DPP6: variants seen among roughly 807,000 people sequenced by gnomAD.
DPP6 encodes dipeptidyl peptidase like 6, also known as A-type potassium channel modulatory protein DPP6.
A neutral mutation model predicts 122.6 loss-of-function variants in DPP6; 69 were observed. The observed-to-expected ratio is 0.56, with a 90% CI of 0.46 to 0.69. The LOEUF (loss-of-function observed/expected upper bound fraction) is 0.69. Among genes scored for constraint, DPP6 ranks in the 30% least tolerant of loss-of-function variants. The pLI is 0.00. For synonymous variants in DPP6, 418 were observed against 433.1 expected, an observed-to-expected ratio of 0.97 and a Z score of 0.43; for missense variants, 928 against 1,116.9, an observed-to-expected ratio of 0.83 and a Z score of 2.41.
the DPP6 span, among the ~76,000 whole-genome samples, chr7:153,870,438 C>T: frequency 1.3e-5 from 2 of 152,152 alleles, no homozygotes; most frequent in South Asian, 2.1e-4. Context: ...TGCAGTTGAT[C>T]GAATCAGCTA....
intron 1 of DPP6, among the ~76,000 whole-genome samples, chr7:154,197,441 A>T (rs1798926742): frequency 6.6e-6 from 1 of 152,074 alleles, no homozygotes; most frequent in South Asian, 2.1e-4. Flanking sequence ...CACTAAAGAG[A>T]TGACTTCCAC....
At position 154,834,311 on chromosome 7, in the gene DPP6, CAA is replaced by C. The variant is rs3054390; in HGVS notation, c.1667-19455_1667-19454del. Among the ~76,000 whole-genome samples, 64 of 134,542 alleles carry C rather than the reference CAA, an allele frequency of 4.8e-4. 1 individual carries two copies. The highest frequency in any genetic ancestry group is 2.7e-3 in the South Asian group (11 of 4,052). 88.3% of individuals were successfully genotyped at this position (134,542 alleles called of 152,430 possible). ...GGTGAAACCTCGTCTCTACTAAATACAAAAAAAAAAAAAAATTAGCCAGTTGT... is the reference window on the plus strand; with the variant it reads ...GGTGAAACCTCGTCTCTACTAAATACAAAAAAAAAAAAATTAGCCAGTTGT... On this transcript the variant is annotated intron_variant, in intron 16 of 25. Coordinates refer to ENST00000377770, the MANE Select transcript of DPP6 (RefSeq NM_130797.4).
At chr7:154,600,069 A>G (rs549023728) in intron 5 of DPP6, among the ~76,000 whole-genome samples, 2 of 152,172 alleles carry the variant, frequency 1.3e-5, no homozygotes, top group East Asian at 3.9e-4. Flanking sequence ...GGCTTACTCC[A>G]ATTTCCCAGC....
intron 8 of DPP6, among the ~76,000 whole-genome samples, chr7:154,750,534 T>C (rs1482467489): frequency 1.3e-5 from 2 of 152,040 alleles, no homozygotes; most frequent in Non-Finnish European, 2.9e-5. Flanking sequence ...GCGGGGGCGC[T>C]CCCTGGGCGA....
intron 3 of DPP6, among the ~76,000 whole-genome samples, chr7:154,502,795 C>T: frequency 6.6e-6 from 1 of 152,058 alleles, no homozygotes; most frequent in African/African-American, 2.4e-5. Context: ...GTAGGAAGGC[C>T]AGCCTAGGGA....
chr7:154,878,770 A>G (rs918483432), intron 20 of DPP6, among the ~76,000 whole-genome samples: 3 of 152,114 alleles, frequency 2.0e-5, no homozygotes, highest in Admixed American at 1.3e-4. Flanking sequence ...CCTGTCTCCT[A>G]GAGACAGGTT....
chr7:154,018,465 G>A (rs1467887511), intron 1 of DPP6, among the ~76,000 whole-genome samples: 1 of 152,138 alleles, frequency 6.6e-6, no homozygotes, highest in Non-Finnish European at 1.5e-5. Flanking sequence ...TTTTTCCCCT[G>A]TATGAGTTGA....
intron 6 of DPP6, among the ~76,000 whole-genome samples, chr7:154,669,027 T>C (rs1276757114): frequency 6.6e-6 from 1 of 152,212 alleles, no homozygotes; most frequent in African/African-American, 2.4e-5. Context: ...GATCACTGCA[T>C]GGTTCTGCAT....
Position 154,236,752 on chromosome 7 carries a change from A to G in DPP6, c.243+183689A>G, listed in dbSNP as rs111803469. Among the ~76,000 whole-genome samples the G allele has an allele frequency of 1.2e-3, 187 of 152,292 alleles. 1 individual carries two copies. The highest frequency in any genetic ancestry group is 4.1e-3 in the African/African-American group (171 of 41,562). Reference sequence around the variant, plus strand: ...TCCCTGACGTCGGTATTGCTGGGCCATATTAAATTGCTTTACATCCCTAAT... The same window carrying G: ...TCCCTGACGTCGGTATTGCTGGGCCGTATTAAATTGCTTTACATCCCTAAT... On this transcript the variant is annotated intron_variant, in intron 1 of 25. Transcript: ENST00000377770.
At chr7:153,909,622 C>T (rs1019024996) in intron 1 of DPP6, among the ~76,000 whole-genome samples, 22 of 152,246 alleles carry the variant, frequency 1.4e-4, no homozygotes, top group African/African-American at 3.9e-4. Flanking sequence ...CTGTCCACAT[C>T]GCAAACGACC....
intron 2 of DPP6, among the ~76,000 whole-genome samples, chr7:154,453,976 C>T (rs1196663831): frequency 6.6e-6 from 1 of 152,130 alleles, no homozygotes; most frequent in African/African-American, 2.4e-5. Context: ...TTGTGTGTAT[C>T]ATAAAAAGTA....
intron 2 of DPP6, among the ~76,000 whole-genome samples, chr7:154,460,128 T>C (rs1429637960): frequency 6.6e-6 from 1 of 151,784 alleles, no homozygotes; most frequent in Non-Finnish European, 1.5e-5. Context: ...ATTACAGACG[T>C]GTACCACCAC....
intron 1 of DPP6, among the ~76,000 whole-genome samples, chr7:154,348,293 A>C (rs1347686854): frequency 6.6e-6 from 1 of 152,244 alleles, no homozygotes; most frequent in Non-Finnish European, 1.5e-5. Context: ...CTTAAGTGGC[A>C]GACTTACTGA....
intron 1 of DPP6, among the ~76,000 whole-genome samples, chr7:154,041,017 T>C (rs1345887679): frequency 1.3e-5 from 2 of 152,162 alleles, no homozygotes; most frequent in African/African-American, 4.8e-5. Context: ...AAAGTGCAGA[T>C]AAACATAAGA....
chr7:154,454,701 C>T (rs1820676377), intron 2 of DPP6, among the ~76,000 whole-genome samples: 4 of 152,278 alleles, frequency 2.6e-5, no homozygotes, highest in African/African-American at 9.6e-5. Flanking sequence ...TCTAACTTCT[C>T]ATACCGTTTA....
chr7:154,563,178 G>A (rs936817387), intron 4 of DPP6, among the ~76,000 whole-genome samples: 1 of 152,216 alleles, frequency 6.6e-6, no homozygotes, highest in Admixed American at 6.5e-5. Context: ...AGAAATGAAA[G>A]GTTGAGAGCA....
intron 6 of DPP6, among the ~76,000 whole-genome samples, chr7:154,661,632 G>T (rs1471188850): frequency 1.3e-5 from 2 of 148,608 alleles, no homozygotes; most frequent in Non-Finnish European, 3.0e-5. Flanking sequence ...TGGCGTATTG[G>T]CCGTAGTATT....
chr7:154,040,720 T>G lies in DPP6; in HGVS notation c.51+152986T>G, dbSNP rs146933154. On this transcript the variant is annotated intron_variant, in intron 1 of 25. Transcript: ENST00000404039. ...AAAGTATTTTTTCCCACATATTCTGTGTACAGAATTCTATATATGTTCCTA... is the reference window on the plus strand; with the variant it reads ...AAAGTATTTTTTCCCACATATTCTGGGTACAGAATTCTATATATGTTCCTA... Among the ~76,000 whole-genome samples, 264 of 152,354 alleles carry G rather than the reference T, an allele frequency of 1.7e-3. 1 individual carries two copies. The highest frequency in any genetic ancestry group is 6.0e-3 in the African/African-American group (249 of 41,570).
At chr7:154,773,726 C>T (rs1393435232) in intron 10 of DPP6, among the ~76,000 whole-genome samples, 1 of 152,160 alleles carries the variant, frequency 6.6e-6, no homozygotes, top group Non-Finnish European at 1.5e-5. Flanking sequence ...TCAGCAAAGA[C>T]CCAACCCATA....
Sources: gnomAD v4.1 joint callset for allele counts (sites outside exome capture counted in the v4.1 genomes callset) on GRCh38, gnomAD v4.1.1 for gene constraint, MANE v1.5 for transcripts, NCBI Gene and HGNC (gene_info 2026-07-23, HGNC 2026-07-21) for gene names.